The following WNT9A variants were observed in gnomAD, a reference collection of about 807,000 sequenced individuals.
WNT9A encodes Wnt family member 9A.
Under a neutral mutation model 31.4 loss-of-function variants are expected in WNT9A, and 8 were observed. That is an observed-to-expected ratio of 0.26 (90% CI 0.15 to 0.46). The LOEUF (loss-of-function observed/expected upper bound fraction) is 0.46, where lower values mean the gene tolerates loss of function less well. Ranked by LOEUF, WNT9A falls within the 20% of genes least tolerant of loss-of-function variation. The pLI, the probability that WNT9A is intolerant of heterozygous loss-of-function variation, is 0.99. For missense variants in WNT9A, 457 were observed against 522.9 expected, an observed-to-expected ratio of 0.87 and a Z score of 1.23; for synonymous variants, 236 against 220.1, an observed-to-expected ratio of 1.07 and a Z score of -0.64.
intron 1 of WNT9A, among the ~76,000 whole-genome samples, chr1:227,946,475 G>C (rs1402630956): frequency 6.6e-6 from 1 of 152,236 alleles, no homozygotes; most frequent in Non-Finnish European, 1.5e-5. Context: ...TCCCGGGTGA[G>C]GCTACGGGTT....
At chr1:227,941,322 G>A (rs1024392380) in intron 1 of WNT9A, among the ~76,000 whole-genome samples, 1 of 151,962 alleles carries the variant, frequency 6.6e-6, no homozygotes, top group Non-Finnish European at 1.5e-5. Flanking sequence ...AGAATTGAGC[G>A]ACCAGGGAGA....
chr1:227,931,855 A>C (rs1572129540), intron 1 of WNT9A, among the ~76,000 whole-genome samples: 1 of 150,078 alleles, frequency 6.7e-6, no homozygotes, highest in Non-Finnish European at 1.5e-5. Context: ...GTGGCTGCTG[A>C]AGTTTGGGGT....
intron 1 of WNT9A, among the ~76,000 whole-genome samples, chr1:227,941,192 G>C (rs975142065): frequency 6.6e-6 from 1 of 152,204 alleles, no homozygotes; most frequent in Middle Eastern, 3.2e-3. Context: ...GCTGCCAGGT[G>C]AATGAGTGAC....
chr1:227,922,127 G>A (rs1230878491), intron 3 of WNT9A, 127 bp from the exon 4 acceptor site: 10 of 1,382,436 alleles, frequency 7.2e-6, no homozygotes, highest in African/African-American at 1.5e-5. Context: ...GCCGGCGGGC[G>A]TCACCACTGC....
Position 227,947,847 on chromosome 1 carries a change from G to A in WNT9A, c.41C>T (p.Ala14Val). 1 of 1,085,676 alleles carries A rather than the reference G, an allele frequency of 9.2e-7. No individual in the cohort carries two copies. The allele number at this position is 1,085,676 out of a possible 1,614,324, so 67.3% of individuals were successfully genotyped here. A position where few individuals can be genotyped will look rare whatever the true frequency, so the allele number is the denominator to read the frequency against. ...GGCGAGCAGCAGCGTCAGCCCGAAG[G>A]CCGCGGCCAGCCAGCGCGCCAGCGG... ...GSPLARWLAA[A>V]FGLTLLLAAL... Residue 14 changes from alanine (A) to valine (V), a missense_variant, in exon 1 of 4, where the codon GCC (alanine) becomes GTC (valine). By Grantham distance (64) the Ala-to-Val change is moderately conservative. Transcript: ENST00000272164.
chr1:227,935,123 A>C (rs1666571521), intron 1 of WNT9A, among the ~76,000 whole-genome samples: 1 of 151,630 alleles, frequency 6.6e-6, no homozygotes, highest in Admixed American at 6.6e-5. Flanking sequence ...TCACAGCCCC[A>C]GTTCACCATA....
rs1325515818 is a variant in WNT9A, at chr1:227,925,228, G to A, written c.352+35C>T. Reference sequence around the variant, plus strand: ...ACAAGGCCTGGGCTGCCACCTGTCTGGGGCCTTCCTGAGGGCCAGGCCGGC... The same window carrying A: ...ACAAGGCCTGGGCTGCCACCTGTCTAGGGCCTTCCTGAGGGCCAGGCCGGC... On this transcript the variant is annotated intron_variant, in intron 2 of 3. Transcript: ENST00000272164. The surrounding 1 kb of genome is among the most constrained non-coding windows in gnomAD (Gnocchi z 6.0). 1.3e-6 allele frequency: 2 copies of A among 1,504,750 alleles called. No homozygotes were observed. Among genetic ancestry groups the A allele is most frequent in the East Asian group, 4.9e-5 (2 of 41,234 alleles). The allele number at this position is 1,504,750 out of a possible 1,614,324, so 93.2% of individuals were successfully genotyped here. A position where few individuals can be genotyped will look rare whatever the true frequency, so the allele number is the denominator to read the frequency against.
chr1:227,935,738 T>C (rs761196298), intron 1 of WNT9A, among the ~76,000 whole-genome samples: 4 of 152,126 alleles, frequency 2.6e-5, no homozygotes, highest in Non-Finnish European at 5.9e-5. Context: ...TCTTTTTGGG[T>C]TTTTGTTGTT....
rs1461062819 is a variant in WNT9A, at chr1:227,920,002, T to TC, written c.*1515dup. 1.3e-5 allele frequency: 2 copies of TC among 152,252 alleles called. No individual in the cohort carries two copies. The highest frequency in any genetic ancestry group is 2.4e-5 in the African/African-American group (1 of 41,430). The allele number at this position is 152,252 out of a possible 1,614,324, so 9.4% of individuals were successfully genotyped here. A position where few individuals can be genotyped will look rare whatever the true frequency, so the allele number is the denominator to read the frequency against. ...CTCCACCGGCATCTGTCCCAATCTG[T>TC]CCCCCAGTGACACAAAGCAAGCAGC... is the stretch of plus-strand genomic sequence containing the variant. On this transcript the variant is annotated 3_prime_UTR_variant, in exon 4 of 4. Transcript: ENST00000272164.
intron 1 of WNT9A, among the ~76,000 whole-genome samples, chr1:227,945,642 T>C (rs1666782616): frequency 6.6e-6 from 1 of 151,002 alleles, no homozygotes; most frequent in African/African-American, 2.4e-5. Flanking sequence ...CCCAGCCCCT[T>C]CTCCCTGCTT....
chr1:227,932,208 T>C (rs530724947), intron 1 of WNT9A, among the ~76,000 whole-genome samples: 20 of 152,372 alleles, frequency 1.3e-4, no homozygotes, highest in Admixed American at 1.1e-3. Flanking sequence ...ATATCAATTC[T>C]AAATCCTTTG....
rs1000971501 is a variant in WNT9A at position 227,920,751 on chromosome 1, G to A, written c.*767C>T. On this transcript the variant is annotated 3_prime_UTR_variant, in exon 4 of 4. Transcript: ENST00000272164. ...GTGGGGAGGGAAAGCCAATGGACTGGCATGGGGAGCCGCTTCCCAGGGACT... is the reference window on the plus strand; with the variant it reads ...GTGGGGAGGGAAAGCCAATGGACTGACATGGGGAGCCGCTTCCCAGGGACT... The A allele has an allele frequency of 6.6e-6, 1 of 152,252 alleles. No individual in the cohort carries two copies. The highest frequency in any genetic ancestry group is 2.4e-5 in the African/African-American group (1 of 41,460). 9.4% of individuals were successfully genotyped at this position (152,252 alleles called of 1,614,324 possible). A position where few individuals can be genotyped will look rare whatever the true frequency, so the allele number is the denominator to read the frequency against.
intron 1 of WNT9A, among the ~76,000 whole-genome samples, chr1:227,939,665 G>GA (rs1279893812): frequency 6.6e-6 from 1 of 152,162 alleles, no homozygotes; most frequent in Non-Finnish European, 1.5e-5. Flanking sequence ...CCTGCCTCCT[G>GA]CCAGCAGGTC....
At position 227,921,538 on chromosome 1, in the gene WNT9A, C is replaced by A. The variant is rs1238968472; in HGVS notation, c.1078G>T (p.Val360Phe). Residue 360 changes from valine to phenylalanine, a missense_variant, in exon 4 of 4, where the codon GTC (valine) becomes TTC (phenylalanine). Physicochemically the swap from Val to Phe is conservative, Grantham distance 50. Coordinates refer to ENST00000272164, the MANE Select transcript of WNT9A (RefSeq NM_003395.4). ...ECRQCTQREE[V>F]YTCKG ...GGAACTCAGCCCTTGCAGGTGTAGA[C>A]CTCCTCACGCTGCGTGCACTGCCTG... is the stretch of plus-strand genomic sequence containing the variant. 7 of 1,610,618 alleles carry A rather than the reference C, an allele frequency of 4.3e-6. No individual in the cohort carries two copies. The highest frequency in any genetic ancestry group is 5.9e-6 in the Non-Finnish European group (7 of 1,178,116).
rs1290344815 is a variant in WNT9A at position 227,921,532 on chromosome 1, T to C, written c.1084A>G (p.Thr362Ala). Residue 362 changes from threonine to alanine, a missense_variant, in exon 4 of 4, where the codon ACC becomes GCC. Physicochemically the swap from Thr to Ala is moderately conservative, Grantham distance 58. Transcript: ENST00000272164. ...GGCCTGGGAACTCAGCCCTTGCAGG[T>C]GTAGACCTCCTCACGCTGCGTGCAC... ...RQCTQREEVYTCKG is the reference protein window; with the variant it reads ...RQCTQREEVYACKG The C allele has an allele frequency of 6.2e-7, 1 of 1,610,020 alleles. No homozygotes were observed. Among genetic ancestry groups the C allele is most frequent in the East Asian group, 2.2e-5 (1 of 44,768 alleles).
chr1:227,923,744 AC>A (rs1009938800), intron 3 of WNT9A, among the ~76,000 whole-genome samples: 3 of 151,864 alleles, frequency 2.0e-5, no homozygotes, highest in Non-Finnish European at 4.4e-5. Flanking sequence ...TCTTCCTCCC[AC>A]CGGTCTTCGT....
intron 1 of WNT9A, among the ~76,000 whole-genome samples, chr1:227,945,561 G>A (rs983252552): frequency 1.3e-5 from 2 of 152,186 alleles, no homozygotes; most frequent in Non-Finnish European, 2.9e-5. Flanking sequence ...AACTGGAGCC[G>A]TGTTCCTGCC....
At chr1:227,947,182 G>A (rs1461863292) in intron 1 of WNT9A, among the ~76,000 whole-genome samples, 1 of 152,126 alleles carries the variant, frequency 6.6e-6, no homozygotes, top group Non-Finnish European at 1.5e-5. Flanking sequence ...GGGACGCCCC[G>A]GCCGGGCCCT....
chr1:227,945,222 C>A (rs768747209), intron 1 of WNT9A, among the ~76,000 whole-genome samples: 1 of 152,242 alleles, frequency 6.6e-6, no homozygotes, highest in Non-Finnish European at 1.5e-5. Flanking sequence ...TGAGTCTGTA[C>A]CCCAAGCCCT....
Sources: gnomAD v4.1 joint callset for allele counts (sites outside exome capture counted in the v4.1 genomes callset) on GRCh38, gnomAD v4.1.1 for gene constraint, Gnocchi (gnomAD v3.1) non-coding constraint, MANE v1.5 for transcripts, NCBI Gene and HGNC (gene_info 2026-07-23, HGNC 2026-07-21) for gene names.